TEN1: variants seen among roughly 807,000 people sequenced by gnomAD.
The protein encoded by TEN1 is TEN1 subunit of CST complex, also known as CST complex subunit TEN1.
TEN1 carries 6 observed loss-of-function variants against 9.3 expected under a neutral mutation model. That is an observed-to-expected ratio of 0.65 (90% CI 0.35 to 1.27). TEN1 has a LOEUF of 1.27. Ranked by LOEUF, TEN1 falls within the 50% of genes most tolerant of loss-of-function variation. The pLI is 0.03. For synonymous variants in TEN1, 65 were observed against 65.6 expected (o/e 0.99, Z 0.04); for missense variants, 149 against 158.2 (o/e 0.94, Z 0.31).
intron 1 of TEN1, among the ~76,000 whole-genome samples, chr17:75,982,044 A>C (rs1277954899): frequency 2.0e-5 from 3 of 152,138 alleles, no homozygotes; most frequent in Non-Finnish European, 4.4e-5. Context: ...AAACAAAAAA[A>C]ACCCTAAATA....
At chr17:75,983,148 G>T (rs2066132592) in intron 1 of TEN1, among the ~76,000 whole-genome samples, 2 of 151,636 alleles carry the variant, frequency 1.3e-5, no homozygotes, top group African/African-American at 4.8e-5. Flanking sequence ...GGGCATGGTG[G>T]CACACGCCTG....
At chr17:75,988,984 G>C (rs1488833941) in intron 2 of TEN1, among the ~76,000 whole-genome samples, 1 of 152,008 alleles carries the variant, frequency 6.6e-6, no homozygotes, top group Admixed American at 6.6e-5. Flanking sequence ...TCTTGGCCAG[G>C]CTGGTCTCGA....
chr17:75,979,761 G>A (rs540898114), intron 1 of TEN1, among the ~76,000 whole-genome samples: 2 of 152,134 alleles, frequency 1.3e-5, no homozygotes, highest in African/African-American at 4.8e-5. Context: ...ACGGGAACCA[G>A]TCTCTTTGGG....
chr17:75,996,065 T>C (rs1364084358), intron 3 of TEN1, among the ~76,000 whole-genome samples: 3 of 151,992 alleles, frequency 2.0e-5, no homozygotes, highest in African/African-American at 4.8e-5. Flanking sequence ...CACTCCAACC[T>C]GGGTGACAAA....
chr17:75,998,877 G>A (rs2066234105), intron 3 of TEN1, among the ~76,000 whole-genome samples: 2 of 152,106 alleles, frequency 1.3e-5, no homozygotes, highest in South Asian at 2.1e-4. Flanking sequence ...TTTTAGTAGA[G>A]ACGGGGTTTT....
intron 3 of TEN1, among the ~76,000 whole-genome samples, chr17:75,992,959 G>GGT (rs1555621802): frequency 2.2e-5 from 3 of 134,962 alleles, no homozygotes; most frequent in Non-Finnish European, 3.2e-5. Context: ...CTTACTGCTG[G>GGT]TTTTTTTTTT....
intron 1 of TEN1, among the ~76,000 whole-genome samples, chr17:75,981,017 C>A (rs148893246): frequency 6.6e-6 from 1 of 152,166 alleles, no homozygotes; most frequent in African/African-American, 2.4e-5. Flanking sequence ...TTCTAATATT[C>A]TAGGAAACCA....
At chr17:75,980,100 G>T (rs1016342572) in intron 1 of TEN1, among the ~76,000 whole-genome samples, 1 of 152,108 alleles carries the variant, frequency 6.6e-6, no homozygotes, top group African/African-American at 2.4e-5. Context: ...ACTTTGGGAG[G>T]ACGAGGCGGG....
Position 75,991,447 on chromosome 17 carries a change from C to G in TEN1, c.93-19C>G. Reference sequence around the variant, plus strand: ...TTCTACGTATGGATGGAAATTATTGCATTTCTTCTGCCTTCCAGGTTGTGC... The same window carrying G: ...TTCTACGTATGGATGGAAATTATTGGATTTCTTCTGCCTTCCAGGTTGTGC... On this transcript the variant is annotated intron_variant, in intron 2 of 3. Coordinates refer to ENST00000397640, the MANE Select transcript of TEN1 (RefSeq NM_001113324.3). The G allele has an allele frequency of 6.4e-7, 1 of 1,551,580 alleles. No individual in the cohort carries two copies. Among genetic ancestry groups the G allele is most frequent in the Non-Finnish European group, 8.7e-7 (1 of 1,146,834 alleles).
In TEN1 at chr17:75,991,601, CG is replaced by C; in HGVS notation, c.232del (p.Glu78SerfsTer12). The C allele has an allele frequency of 6.4e-7, 1 of 1,551,768 alleles. No individual in the cohort carries two copies. Among genetic ancestry groups the C allele is most frequent in the Non-Finnish European group, 8.7e-7 (1 of 1,147,004 alleles). On this transcript the variant is annotated frameshift_variant, in exon 3 of 4. Transcript: ENST00000397640. LOFTEE classifies it high-confidence loss of function. ...AGGTGGGCTCCCTGTACATCGTCCT[CG>C]GGGAGCTCCAGCATCAGCAGGGTGA... Reference protein sequence around the residue: ...AQVGSLYIVLGELQHQQDRGS... With the variant: ...AQVGSLYIVLXELQHQQDRGS...
chr17:75,986,192 C>T lies in TEN1; in HGVS notation c.-1C>T. The T allele has an allele frequency of 6.5e-7, 1 of 1,546,808 alleles. No homozygotes were observed. Among genetic ancestry groups the T allele is most frequent in the Non-Finnish European group, 8.7e-7 (1 of 1,144,852 alleles). On this transcript the variant is annotated 5_prime_UTR_variant, in exon 2 of 4. Transcript: ENST00000397640. ...TCTCAACTATTTGGTTACAGGAGCCCATGATGCTGCCCAAACCTGGGACCT... is the reference window on the plus strand; with the variant it reads ...TCTCAACTATTTGGTTACAGGAGCCTATGATGCTGCCCAAACCTGGGACCT...
At position 75,991,469 on chromosome 17, in the gene TEN1, G is replaced by C; in HGVS notation, c.96G>C (p.Leu32Phe). ...TTGCATTTCTTCTGCCTTCCAGGTT[G>C]TGCCTCTATGACATGATTCAGTCCA... ...DGSTLRTFGR[L>F]CLYDMIQSRV... The change falls in exon 3 of 4, where the codon TTG becomes TTC. Residue 32 changes from leucine (L) to phenylalanine (F), a missense_variant. Transcript: ENST00000397640. The C allele has an allele frequency of 6.4e-7, 1 of 1,552,200 alleles. No individual in the cohort carries two copies. The highest frequency in any genetic ancestry group is 8.7e-7 in the Non-Finnish European group (1 of 1,147,094).
intron 2 of TEN1, among the ~76,000 whole-genome samples, chr17:75,988,047 C>T (rs1362794420): frequency 2.6e-5 from 4 of 151,584 alleles, no homozygotes; most frequent in African/African-American, 7.3e-5. Flanking sequence ...CAAAACCAGC[C>T]TGGCCAACAT....
chr17:75,987,645 G>T (rs562620970), intron 2 of TEN1, among the ~76,000 whole-genome samples: 1 of 152,122 alleles, frequency 6.6e-6, no homozygotes, highest in Non-Finnish European at 1.5e-5. Context: ...GGCCAGGTGC[G>T]GTGGCTCACG....
intron 3 of TEN1, among the ~76,000 whole-genome samples, chr17:75,994,539 G>A (rs906588288): frequency 4.0e-5 from 6 of 151,252 alleles, no homozygotes; most frequent in African/African-American, 1.2e-4. Flanking sequence ...GTGCAGTGGC[G>A]TGATCTCAGC....
At position 75,993,022 on chromosome 17, in the gene TEN1, G is replaced by A. The variant is rs190788664; in HGVS notation, c.250+1399G>A. ...TGCTGTCCAGGCTGAGTGCAGTGGC[G>A]CGATCTTGGCACCAGGCTCTATCCT... On this transcript the variant is annotated intron_variant, in intron 3 of 3. Coordinates refer to ENST00000397640, the MANE Select transcript of TEN1 (RefSeq NM_001113324.3). 1.1e-4 allele frequency among the ~76,000 whole-genome samples: 16 copies of A among 150,992 alleles called. No homozygotes were observed. The East Asian group carries it at 1.2e-3, about 11-fold the overall frequency.
At chr17:75,992,420 G>A (rs934928296) in intron 3 of TEN1, among the ~76,000 whole-genome samples, 2 of 151,930 alleles carry the variant, frequency 1.3e-5, no homozygotes, top group African/African-American at 4.8e-5. Context: ...GTGGAGACAA[G>A]GTGTCATTAT....
At chr17:75,994,474 C>A (rs2066206983) in intron 3 of TEN1, among the ~76,000 whole-genome samples, 1 of 151,134 alleles carries the variant, frequency 6.6e-6, no homozygotes, top group South Asian at 2.1e-4. Flanking sequence ...TCTTGATTTT[C>A]TCTTATTTTT....
In TEN1 at chr17:75,986,289, G is replaced by A; in HGVS notation, c.92+5G>A. On this transcript the variant is annotated splice_donor_5th_base_variant and intron_variant, in intron 2 of 3. Transcript: ENST00000397640. ...CACGCTGAGAACATTTGGCAGGTGAGAACGGTTATTTTTTTCACTGGTGGG... is the reference window on the plus strand; with the variant it reads ...CACGCTGAGAACATTTGGCAGGTGAAAACGGTTATTTTTTTCACTGGTGGG... 6.5e-7 allele frequency: 1 copy of A among 1,543,520 alleles called. No homozygotes were observed. The highest frequency in any genetic ancestry group is 8.7e-7 in the Non-Finnish European group (1 of 1,143,146).
Sources: allele counts gnomAD v4.1 joint callset (sites outside exome capture counted in the v4.1 genomes callset), GRCh38; gene constraint gnomAD v4.1.1; transcripts MANE v1.5; gene names NCBI Gene and HGNC (gene_info 2026-07-23, HGNC 2026-07-21).